The following INPP5A variants were observed in gnomAD, a reference collection of about 807,000 sequenced individuals.
INPP5A encodes inositol polyphosphate-5-phosphatase A.
A neutral mutation model predicts 65.2 loss-of-function variants in INPP5A; 14 were observed. The ratio of observed to expected loss-of-function variants is 0.21; its 90% CI spans 0.14 to 0.34. The LOEUF (loss-of-function observed/expected upper bound fraction) is 0.34. Ranked by LOEUF, INPP5A falls within the 10% of genes least tolerant of loss-of-function variation. The pLI is 1.00. For synonymous variants in INPP5A, 207 were observed against 208.3 expected (o/e 0.99, Z 0.05); for missense variants, 431 against 545.6 (o/e 0.79, Z 2.09).
At chr10:132,703,208 C>T (rs902730362) in intron 6 of INPP5A, among the ~76,000 whole-genome samples, 4 of 152,132 alleles carry the variant, frequency 2.6e-5, no homozygotes, top group Non-Finnish European at 4.4e-5. Flanking sequence ...AGGACAGATC[C>T]GGGCTCTTGT....
chr10:132,669,139 G>C (rs1161386117), intron 4 of INPP5A, among the ~76,000 whole-genome samples: 4 of 152,164 alleles, frequency 2.6e-5, no homozygotes, highest in Non-Finnish European at 5.9e-5. Context: ...TGTAGTCCCA[G>C]CTACTCGGGA....
chr10:132,633,034 C>T (rs1042423563), intron 2 of INPP5A, among the ~76,000 whole-genome samples: 1 of 152,208 alleles, frequency 6.6e-6, no homozygotes, highest in Non-Finnish European at 1.5e-5. Flanking sequence ...GGGGCTGGTT[C>T]TGTCTCCCTT....
intron 1 of INPP5A, among the ~76,000 whole-genome samples, chr10:132,580,536 T>C (rs920759766): frequency 6.6e-6 from 1 of 152,192 alleles, no homozygotes; most frequent in African/African-American, 2.4e-5. Context: ...CATGGCAGTG[T>C]GAGAACGGAC....
chr10:132,588,995 G>A (rs1402071430), intron 1 of INPP5A, among the ~76,000 whole-genome samples: 1 of 150,942 alleles, frequency 6.6e-6, no homozygotes, highest in Non-Finnish European at 1.5e-5. Flanking sequence ...GGTGTGTGTC[G>A]CCATCGGTGG....
At chr10:132,702,972 C>T (rs2803998) in intron 6 of INPP5A, among the ~76,000 whole-genome samples, 150,960 of 152,192 alleles carry the variant, frequency 0.99, 74,871 homozygotes, top group Middle Eastern at 1. Flanking sequence ...GCAGAGGGCG[C>T]CCTGCCGGTG....
At chr10:132,579,623 C>T (rs1198141117) in intron 1 of INPP5A, among the ~76,000 whole-genome samples, 4 of 152,108 alleles carry the variant, frequency 2.6e-5, no homozygotes, top group African/African-American at 9.7e-5. Flanking sequence ...CCAGCCTTGC[C>T]CTGCGGTGGT....
chr10:132,614,232 G>A (rs1003906293), intron 2 of INPP5A, among the ~76,000 whole-genome samples: 1 of 152,172 alleles, frequency 6.6e-6, no homozygotes, highest in Non-Finnish European at 1.5e-5. Flanking sequence ...TTGGGAGGCC[G>A]AAGCGGGTGG....
chr10:132,568,939 G>A (rs1424135507), intron 1 of INPP5A, among the ~76,000 whole-genome samples: 6 of 134,028 alleles, frequency 4.5e-5, no homozygotes, highest in East Asian at 2.2e-4. Context: ...TTTTTGAGAC[G>A]GAATCTCGCT....
At chr10:132,621,457 C>T (rs991624493) in intron 2 of INPP5A, among the ~76,000 whole-genome samples, 2 of 152,136 alleles carry the variant, frequency 1.3e-5, no homozygotes, top group African/African-American at 4.8e-5. Flanking sequence ...CATGAGGCCT[C>T]AGTGTGTGTT....
At chr10:132,743,137 C>T (rs1846304664) in intron 9 of INPP5A, among the ~76,000 whole-genome samples, 1 of 152,148 alleles carries the variant, frequency 6.6e-6, no homozygotes, top group Admixed American at 6.5e-5. Flanking sequence ...GGCCACCCAC[C>T]AGTGCTGCAC....
chr10:132,724,449 C>T (rs1564984991), intron 8 of INPP5A, among the ~76,000 whole-genome samples: 1 of 152,208 alleles, frequency 6.6e-6, no homozygotes, highest in African/African-American at 2.4e-5. Flanking sequence ...ACAGGGGAAA[C>T]TGATACATGT....
chr10:132,634,993 A>G (rs1223663622), intron 2 of INPP5A, among the ~76,000 whole-genome samples: 1 of 152,236 alleles, frequency 6.6e-6, no homozygotes, highest in African/African-American at 2.4e-5. Context: ...TTGCAATTGG[A>G]AAGTCCAGAA....
intron 2 of INPP5A, among the ~76,000 whole-genome samples, chr10:132,628,305 C>T (rs775632513): frequency 1.1e-4 from 17 of 152,322 alleles, no homozygotes; most frequent in South Asian, 1.0e-3. Flanking sequence ...CCCGCTTCCT[C>T]GTGAGCATGC....
intron 4 of INPP5A, among the ~76,000 whole-genome samples, chr10:132,673,700 G>T (rs536819356): frequency 2.0e-5 from 3 of 152,348 alleles, no homozygotes; most frequent in African/African-American, 7.2e-5. Flanking sequence ...TGAGTCCATG[G>T]ATGGTAGTCT....
intron 2 of INPP5A, among the ~76,000 whole-genome samples, chr10:132,635,141 T>G (rs1401833917): frequency 1.3e-5 from 2 of 152,296 alleles, no homozygotes; most frequent in East Asian, 3.9e-4. Flanking sequence ...TTTTTAAACA[T>G]TTATTTCGTT....
chr10:132,719,288 G>T lies in INPP5A; in HGVS notation c.648-7533G>T, dbSNP rs1845812147. On this transcript the variant is annotated intron_variant, in intron 8 of 15. Transcript: ENST00000368594. ...AGACAGCTGTCTTCAGGGTTCTGTG[G>T]CAACTGGGTTCTGTCTGGGCGCCTT... Among the ~76,000 whole-genome samples, 5 of 149,618 alleles carry T rather than the reference G, an allele frequency of 3.3e-5. 1 individual carries two copies. Among genetic ancestry groups the T allele is most frequent in the Admixed American group, 3.3e-4 (5 of 14,994 alleles).
rs113148677 is a variant in INPP5A, at chr10:132,569,692, T to C, written c.75+31521T>C. On this transcript the variant is annotated intron_variant, in intron 1 of 15. Transcript: ENST00000368594. ...TTTTTAATTAAATTTTTAGTAGAGA[T>C]GGGGTTTCGCCATATTGGCCAGGCT... is the stretch of plus-strand genomic sequence containing the variant. Among the ~76,000 whole-genome samples the C allele has an allele frequency of 8.5e-3, 1,253 of 146,936 alleles. 15 individuals are homozygous for C. Among genetic ancestry groups the C allele is most frequent in the African/African-American group, 0.03 (1,199 of 39,618 alleles).
rs73399378 is a variant in INPP5A at position 132,603,419 on chromosome 10, G to A, written c.76-4496G>A. On this transcript the variant is annotated intron_variant, in intron 1 of 15. Transcript: ENST00000368594. This position sits in a 1 kb window ranked among gnomAD's most constrained non-coding sequence, Gnocchi z 4.2. ...GAACGCTTGTCCACGTGGAATAAAC[G>A]TCATCCCAGTCTGCAGAGCTCCAGC... Among the ~76,000 whole-genome samples the A allele has an allele frequency of 4.0e-3, 606 of 152,234 alleles. 3 individuals carry two copies. Among genetic ancestry groups the A allele is most frequent in the African/African-American group, 0.014 (569 of 41,536 alleles).
chr10:132,560,615 TAA>T (rs2071190468), intron 1 of INPP5A, among the ~76,000 whole-genome samples: 1 of 152,150 alleles, frequency 6.6e-6, no homozygotes, highest in African/African-American at 2.4e-5. Flanking sequence ...TTTTTTTTTT[TAA>T]GAGACAGATT....
Sources: gnomAD v4.1 joint callset for allele counts (sites outside exome capture counted in the v4.1 genomes callset) on GRCh38, gnomAD v4.1.1 for gene constraint, Gnocchi (gnomAD v3.1) non-coding constraint, MANE v1.5 for transcripts, NCBI Gene and HGNC (gene_info 2026-07-23, HGNC 2026-07-21) for gene names.